Variants in TMC2 observed in about 807,000 individuals in gnomAD.
The protein encoded by TMC2 is transmembrane channel-like protein 2.
Under a neutral mutation model 105.9 loss-of-function variants are expected in TMC2, and 102 were observed. The ratio of observed to expected loss-of-function variants is 0.96; its 90% CI spans 0.82 to 1.14. The LOEUF is 1.14. Among genes scored for constraint, TMC2 ranks in the 50% most tolerant of loss-of-function variants. TMC2 has a pLI of 0.00. For missense variants in TMC2, 1,093 were observed against 1,134.3 expected (o/e 0.96, Z 0.52); for synonymous variants, 402 against 422.8 (o/e 0.95, Z 0.60).
chr20:2,607,892 A>T (rs1039632096), intron 11 of TMC2, among the ~76,000 whole-genome samples: 1 of 152,206 alleles, frequency 6.6e-6, no homozygotes, highest in African/African-American at 2.4e-5. Context: ...TGGGAGGCCA[A>T]GGCGGGTGGA....
intron 17 of TMC2, among the ~76,000 whole-genome samples, chr20:2,627,624 T>G (rs2146261613): frequency 6.6e-6 from 1 of 152,254 alleles, no homozygotes; most frequent in South Asian, 2.1e-4. Context: ...GGAGCTCACC[T>G]CACATGCTTC....
At chr20:2,572,331 C>T in intron 5 of TMC2, 62 bp downstream of exon 5, 3 of 1,352,754 alleles carry the variant, frequency 2.2e-6, no homozygotes, top group Non-Finnish European at 3.2e-6. Flanking sequence ...AATCTGGCGA[C>T]CAACTTCGGC....
intron 5 of TMC2, among the ~76,000 whole-genome samples, chr20:2,574,820 G>A (rs1449516735): frequency 6.6e-6 from 1 of 152,010 alleles, no homozygotes; most frequent in Non-Finnish European, 1.5e-5. Context: ...CTGCCTCCCA[G>A]GTTCAAGCAA....
rs781472665 is a variant in TMC2 at position 2,624,388 on chromosome 20, G to C, written c.2298G>C (p.Leu766=). ...ANPGLIIPAI[L]LMFLAIYYLN... ...CAGGCCTGATCATCCCAGCCATCCT[G>C]CTGATGTTGTAAGTTAGCCAGGACC... is the stretch of plus-strand genomic sequence containing the variant. The change falls in exon 17 of 20, where the codon CTG becomes CTC. Residue 766 remains leucine (L), a synonymous_variant. Transcript: ENST00000358864. 1.1e-5 allele frequency: 17 copies of C among 1,613,442 alleles called. No homozygotes were observed. In the South Asian group the frequency reaches 1.9e-4, roughly 18 times the overall value.
intron 2 of TMC2, among the ~76,000 whole-genome samples, chr20:2,547,917 T>G (rs1211225287): frequency 6.6e-6 from 1 of 152,248 alleles, no homozygotes; most frequent in African/African-American, 2.4e-5. Flanking sequence ...CACTGTTCTC[T>G]TTACCATTCT....
chr20:2,624,041 TAGGATAGAA>T (rs2086546005), intron 16 of TMC2, among the ~76,000 whole-genome samples: 1 of 152,228 alleles, frequency 6.6e-6, no homozygotes, highest in Non-Finnish European at 1.5e-5. Context: ...GTAAGTTACT[TAGGATAGAA>T]AGCCGGTGAG....
rs1023881049 is a variant in TMC2, at chr20:2,558,829, G to T, written c.401+55G>T. On this transcript the variant is annotated intron_variant, in intron 3 of 19. Transcript: ENST00000358864. This position sits in a 1 kb window ranked among gnomAD's most constrained non-coding sequence, Gnocchi z 4.6. ...GCTCCGCGCGCTCCCGCTCCTTCGCGGCCCTTCCCCTTCCCCCGTGAGGGA... is the reference window on the plus strand; with the variant it reads ...GCTCCGCGCGCTCCCGCTCCTTCGCTGCCCTTCCCCTTCCCCCGTGAGGGA... The T allele has an allele frequency of 3.2e-5, 47 of 1,471,568 alleles. No individual in the cohort carries two copies. In the African/African-American group the frequency reaches 6.4e-4, roughly 20 times the overall value. The allele number at this position is 1,471,568 out of a possible 1,614,324, so 91.2% of individuals were successfully genotyped here. A position where few individuals can be genotyped will look rare whatever the true frequency, so the allele number is the denominator to read the frequency against.
At chr20:2,549,472 G>T (rs1568501860) in intron 2 of TMC2, among the ~76,000 whole-genome samples, 1 of 152,170 alleles carries the variant, frequency 6.6e-6, no homozygotes, top group African/African-American at 2.4e-5. Context: ...GCCAGGCATG[G>T]TTGCTTACGT....
chr20:2,572,171 C>G lies in TMC2; in HGVS notation c.555-8C>G. The G allele has an allele frequency of 1.4e-6, 2 of 1,475,548 alleles. No homozygotes were observed. The highest frequency in any genetic ancestry group is 9.0e-7 in the Non-Finnish European group (1 of 1,109,874). 91.4% of individuals were successfully genotyped at this position (1,475,548 alleles called of 1,614,324 possible). A position where few individuals can be genotyped will look rare whatever the true frequency, so the allele number is the denominator to read the frequency against. ...TGAAATCCTGCTTTTTTTTTTTTTTCTAAGCAGGGAGGCCCAGGAATTTGT... is the reference window on the plus strand; with the variant it reads ...TGAAATCCTGCTTTTTTTTTTTTTTGTAAGCAGGGAGGCCCAGGAATTTGT... On this transcript the variant is annotated splice_polypyrimidine_tract_variant and splice_region_variant and intron_variant, in intron 4 of 19. Coordinates refer to ENST00000358864, the MANE Select transcript of TMC2 (RefSeq NM_080751.3).
At chr20:2,571,005 T>C (rs1265894798) in intron 4 of TMC2, among the ~76,000 whole-genome samples, 1 of 152,190 alleles carries the variant, frequency 6.6e-6, no homozygotes, top group Admixed American at 6.5e-5. Context: ...CAGCACAAGA[T>C]GGATTAAATA....
chr20:2,544,546 G>A (rs573769643), intron 2 of TMC2, among the ~76,000 whole-genome samples: 7 of 152,238 alleles, frequency 4.6e-5, no homozygotes, highest in African/African-American at 1.7e-4. Flanking sequence ...AGGTCTGCAG[G>A]AATATAAGTA....
chr20:2,606,250 G>GTATT (rs764483887), intron 11 of TMC2, among the ~76,000 whole-genome samples: 47 of 152,146 alleles, frequency 3.1e-4, no homozygotes, highest in African/African-American at 4.3e-4. Flanking sequence ...GGTACACAGT[G>GTATT]TATTTATTTA....
Position 2,594,914 on chromosome 20 carries a change from C to T in TMC2, c.1023C>T (p.Tyr341=), listed in dbSNP as rs957908674. ...TGAGGTACCGGCTGCCTATGGCTTA[C>T]TTTATGGTGGGGGTCAGCGTGTTCG... ...GWLRYRLPMA[Y]FMVGVSVFGY... is the part of the protein sequence containing the mutation. The change falls in exon 9 of 20, where the codon TAC becomes TAT. Residue 341 remains tyrosine, a synonymous_variant. Coordinates refer to ENST00000358864, the MANE Select transcript of TMC2 (RefSeq NM_080751.3). 2 of 1,614,136 alleles carry T rather than the reference C, an allele frequency of 1.2e-6. No individual in the cohort carries two copies. Among genetic ancestry groups the T allele is most frequent in the Non-Finnish European group, 1.7e-6 (2 of 1,180,042 alleles).
At chr20:2,569,776 G>A (rs1199949428) in intron 4 of TMC2, among the ~76,000 whole-genome samples, 3 of 152,128 alleles carry the variant, frequency 2.0e-5, no homozygotes, top group African/African-American at 7.2e-5. Flanking sequence ...TATCAGTAGG[G>A]CTGCAGTTCT....
At chr20:2,640,248 G>A (rs965764291) in intron 19 of TMC2, among the ~76,000 whole-genome samples, 2 of 152,062 alleles carry the variant, frequency 1.3e-5, no homozygotes, top group African/African-American at 4.8e-5. Flanking sequence ...CGCCTCAAAC[G>A]GCCTCCCAAA....
In TMC2 at chr20:2,561,708, G is replaced by T. The variant is rs2086026695; in HGVS notation, c.402-150G>T. 7 of 912,958 alleles carry T rather than the reference G, an allele frequency of 7.7e-6. No homozygotes were observed. The Admixed American group carries it at 2.0e-4, about 26-fold the overall frequency. 56.6% of individuals were successfully genotyped at this position (912,958 alleles called of 1,614,324 possible). On this transcript the variant is annotated intron_variant, in intron 3 of 19. Transcript: ENST00000358864. ...GCCCTGGGCTACAGGGTAGAATTTT[G>T]GCCTCCGCTGCCAGGCAATGGGAGT...
At chr20:2,624,147 C>G (rs2086547008) in intron 16 of TMC2, 124 bp from the exon 17 acceptor site, 1 of 1,098,222 alleles carries the variant, frequency 9.1e-7, no homozygotes, top group Non-Finnish European at 1.3e-6. Flanking sequence ...GAGCAGAGCT[C>G]TGGTTCTTCC....
At chr20:2,545,613 G>C (rs1265091812) in intron 2 of TMC2, among the ~76,000 whole-genome samples, 5 of 151,998 alleles carry the variant, frequency 3.3e-5, no homozygotes, top group African/African-American at 1.2e-4. Context: ...GAATAGTTTG[G>C]TGTCAAGCAG....
chr20:2,572,223 A>T lies in TMC2; in HGVS notation c.599A>T (p.Lys200Met). The T allele has an allele frequency of 1.2e-6, 2 of 1,613,586 alleles. No homozygotes were observed. The highest frequency in any genetic ancestry group is 1.7e-6 in the Non-Finnish European group (2 of 1,179,832). The change falls in exon 5 of 20, where the codon AAG becomes ATG. Residue 200 changes from lysine to methionine, a missense_variant. Lys to Met is a moderately conservative substitution (Grantham distance 95). Transcript: ENST00000358864. Reference sequence around the variant, plus strand: ...GAGAAGTATGAAGGTGCCTTGGGAAAGGGGAAAGGCAAGCAACTATATGCC... The same window carrying T: ...GAGAAGTATGAAGGTGCCTTGGGAATGGGGAAAGGCAAGCAACTATATGCC... ...FVEKYEGALG[K>M]GKGKQLYAYK... is the part of the protein sequence containing the mutation.
Sources: gnomAD v4.1 joint callset for allele counts (sites outside exome capture counted in the v4.1 genomes callset) on GRCh38, gnomAD v4.1.1 for gene constraint, Gnocchi (gnomAD v3.1) non-coding constraint, MANE v1.5 for transcripts, NCBI Gene and HGNC (gene_info 2026-07-23, HGNC 2026-07-21) for gene names.